The following KDM3B variants were observed in gnomAD, a reference collection of about 807,000 sequenced individuals.
KDM3B encodes the protein lysine-specific demethylase 3B.
A neutral mutation model predicts 170.0 loss-of-function variants in KDM3B; 10 were observed. That is an observed-to-expected ratio of 0.06 (90% CI 0.04 to 0.10). KDM3B has a LOEUF of 0.10. KDM3B is among the 10% of genes least tolerant of loss of function. The pLI is 1.00. For synonymous variants in KDM3B, 831 were observed against 834.8 expected, an observed-to-expected ratio of 1.00 and a Z score of 0.08; for missense variants, 1,394 against 2,195.2, an observed-to-expected ratio of 0.64 and a Z score of 7.29.
Position 138,357,939 on chromosome 5 carries a change from G to A in KDM3B, c.192+4952G>A, listed in dbSNP as rs564955862. Among the ~76,000 whole-genome samples, 10 of 151,710 alleles carry A rather than the reference G, an allele frequency of 6.6e-5. No individual in the cohort carries two copies. In the South Asian group the frequency reaches 8.3e-4, roughly 13 times the overall value. ...TGACCTCAGGTGATCCACCCACCTCGGCCTCCCAAAGTGCTGGGATTACAG... is the reference window on the plus strand; with the variant it reads ...TGACCTCAGGTGATCCACCCACCTCAGCCTCCCAAAGTGCTGGGATTACAG... On this transcript the variant is annotated intron_variant, in intron 1 of 23. Transcript: ENST00000314358.
chr5:138,396,363 G>A (rs1159983242), intron 9 of KDM3B, among the ~76,000 whole-genome samples: 2 of 152,142 alleles, frequency 1.3e-5, no homozygotes, highest in Non-Finnish European at 2.9e-5. Flanking sequence ...CCAAAGTGCT[G>A]GGATTACAGG....
intron 15 of KDM3B, among the ~76,000 whole-genome samples, chr5:138,421,820 G>A (rs1363891314): frequency 1.3e-5 from 2 of 152,142 alleles, no homozygotes; most frequent in Non-Finnish European, 2.9e-5. Flanking sequence ...TCCTTGTAGT[G>A]CTTACAGATG....
At chr5:138,398,138 G>C (rs774890380) in intron 9 of KDM3B, 40 bp from the exon 10 acceptor site, 2 of 1,500,108 alleles carry the variant, frequency 1.3e-6, no homozygotes, top group Middle Eastern at 3.6e-4. Flanking sequence ...GTTAGTTTGC[G>C]TTGCTCCTGC....
At chr5:138,368,282 G>A (rs1761793478) in intron 1 of KDM3B, among the ~76,000 whole-genome samples, 2 of 150,894 alleles carry the variant, frequency 1.3e-5, no homozygotes, top group Admixed American at 1.3e-4. Context: ...GCCCAGGCTG[G>A]AGTACAGGGG....
At chr5:138,416,656 C>A (rs1185374414) in intron 12 of KDM3B, among the ~76,000 whole-genome samples, 2 of 151,056 alleles carry the variant, frequency 1.3e-5, no homozygotes, top group Non-Finnish European at 2.9e-5. Flanking sequence ...TCCCCTGGAT[C>A]CCTTATACCC....
chr5:138,419,676 TATATATATATATAC>T (rs1763210865), intron 14 of KDM3B, among the ~76,000 whole-genome samples: 2 of 129,820 alleles, frequency 1.5e-5, no homozygotes, highest in African/African-American at 2.9e-5. Context: ...AAAATATATA[TATATATATATATAC>T]ATATATATAT....
At position 138,419,005 on chromosome 5, in the gene KDM3B, G is replaced by A. The variant is rs1254912258; in HGVS notation, c.3488G>A (p.Gly1163Asp). 12 of 1,614,042 alleles carry A rather than the reference G, an allele frequency of 7.4e-6. No homozygotes were observed. Among genetic ancestry groups the A allele is most frequent in the Non-Finnish European group, 1.0e-5 (12 of 1,179,978 alleles). The change falls in exon 14 of 24, where the codon GGT becomes GAT. Residue 1163 changes from glycine to aspartate, a missense_variant. By Grantham distance (94) the Gly-to-Asp change is moderately conservative. This residue lies in a region of KDM3B where 87 missense variants were observed against 83.3 expected (regional missense o/e 1.04). Transcript: ENST00000314358. ...TCTGGAAACGAAACTACCTTCTCTG[G>A]TGGAGGAGGACCGGCACCAGTAACA... ...ASSGNETTFS[G>D]GGGPAPVTTP...
chr5:138,403,505 G>A (rs529007076), intron 11 of KDM3B, among the ~76,000 whole-genome samples: 77 of 151,698 alleles, frequency 5.1e-4, no homozygotes, highest in African/African-American at 1.8e-3. Context: ...TTGAAACCCC[G>A]TCTGCATGAA....
intron 7 of KDM3B, among the ~76,000 whole-genome samples, chr5:138,389,759 CTCT>C (rs1762375913): frequency 7.2e-6 from 1 of 139,784 alleles, no homozygotes; most frequent in Non-Finnish European, 1.5e-5. Context: ...ACCTATGGGT[CTCT>C]TCTCTCTCTC....
Position 138,430,280 on chromosome 5 carries a change from C to G in KDM3B, c.4925C>G (p.Pro1642Arg), listed in dbSNP as rs757428495. The G allele has an allele frequency of 6.2e-7, 1 of 1,614,210 alleles. No homozygotes were observed. The highest frequency in any genetic ancestry group is 1.7e-5 in the Admixed American group (1 of 60,016). ...VGEEQGQENP[P>R]DHDPIHDQSW... ...GAAGAACAAGGCCAAGAGAACCCCC[C>G]TGATCATGACCCAATTCATGACCAA... The change falls in exon 22 of 24, where the codon CCT (proline) becomes CGT (arginine). Residue 1642 changes from proline (P) to arginine (R), a missense_variant. Pro to Arg is a moderately radical substitution (Grantham distance 103). Around this residue, in one of 19 missense-constraint regions of KDM3B, gnomAD observed 79 missense variants for 270.5 expected, o/e 0.29. Coordinates refer to ENST00000314358, the MANE Select transcript of KDM3B (RefSeq NM_016604.4).
In KDM3B at chr5:138,371,248, C is replaced by G. The variant is rs950877070; in HGVS notation, c.193-1426C>G. Among the ~76,000 whole-genome samples, 5 of 152,090 alleles carry G rather than the reference C, an allele frequency of 3.3e-5. No homozygotes were observed. In the East Asian group the frequency reaches 9.7e-4, roughly 29 times the overall value. On this transcript the variant is annotated intron_variant, in intron 1 of 23. Coordinates refer to ENST00000314358, the MANE Select transcript of KDM3B (RefSeq NM_016604.4). ...GCTGAGGCAGGAAGATTGCTTGGCTCCAGGAGTTTGAGACCAGCCTGGGCA... is the reference window on the plus strand; with the variant it reads ...GCTGAGGCAGGAAGATTGCTTGGCTGCAGGAGTTTGAGACCAGCCTGGGCA...
At chr5:138,399,172 G>A (rs1239251962) in intron 10 of KDM3B, among the ~76,000 whole-genome samples, 1 of 151,652 alleles carries the variant, frequency 6.6e-6, no homozygotes, top group African/African-American at 2.4e-5. Context: ...ACATGTGTGA[G>A]CCACCGCGCC....
At chr5:138,385,945 A>G in intron 6 of KDM3B, 77 bp from the exon 7 acceptor site, 4 of 1,490,614 alleles carry the variant, frequency 2.7e-6, no homozygotes, top group Admixed American at 2.2e-5. Context: ...GCTTCTAGAG[A>G]TGGGAAAGAG....
At chr5:138,355,022 A>G (rs1269220321) in intron 1 of KDM3B, among the ~76,000 whole-genome samples, 1 of 152,210 alleles carries the variant, frequency 6.6e-6, no homozygotes, top group Non-Finnish European at 1.5e-5. Flanking sequence ...TTTCTCATTA[A>G]GAGAGATTTC....
intron 13 of KDM3B, chr5:138,418,075 GTT>G: frequency 7.2e-5 from 7 of 96,804 alleles, no homozygotes; most frequent in Non-Finnish European, 1.2e-4. Flanking sequence ...TTTGGTTTTG[GTT>G]TTTTTTTTTT....
chr5:138,352,806 C>T lies in KDM3B; in HGVS notation c.11C>T (p.Ala4Val), dbSNP rs1376382886. The T allele has an allele frequency of 3.1e-6, 4 of 1,301,334 alleles. No individual in the cohort carries two copies. The highest frequency in any genetic ancestry group is 3.6e-5 in the Admixed American group (1 of 27,916). The allele number at this position is 1,301,334 out of a possible 1,614,324, so 80.6% of individuals were successfully genotyped here. A position where few individuals can be genotyped will look rare whatever the true frequency, so the allele number is the denominator to read the frequency against. ...AGGCCGGCCCCGGCGATGGCGGACG[C>T]GGCGGCCTCCCCGGTGGGCAAGCGG... The part of the protein sequence containing the change: MAD[A>V]AASPVGKRLL... The change falls in exon 1 of 24, where the codon GCG (alanine) becomes GTG (valine). Residue 4 changes from alanine to valine, a missense_variant. By Grantham distance (64) the Ala-to-Val change is moderately conservative (BLOSUM62 0). This residue lies in a region of KDM3B where 99 missense variants were observed against 97.5 expected (regional missense o/e 1.02). Transcript: ENST00000314358.
chr5:138,398,159 G>A lies in KDM3B; in HGVS notation c.2832-19G>A, dbSNP rs199629127. 187 of 1,589,066 alleles carry A rather than the reference G, an allele frequency of 1.2e-4. No individual in the cohort carries two copies. The highest frequency in any genetic ancestry group is 7.7e-6 in the Non-Finnish European group (9 of 1,161,718). ...TTGCGTTGCTCCTGCGATTTACCAT[G>A]TATTTGATCATGTCTCAGGTTGATC... is the stretch of plus-strand genomic sequence containing the variant. On this transcript the variant is annotated intron_variant, in intron 9 of 23. Transcript: ENST00000314358.
In KDM3B at chr5:138,417,589, C is replaced by T. The variant is rs778943253; in HGVS notation, c.3414C>T (p.Ala1138=). Residue 1138 remains alanine (A), a synonymous_variant, in exon 13 of 24, where the codon GCC becomes GCT. Coordinates refer to ENST00000314358, the MANE Select transcript of KDM3B (RefSeq NM_016604.4). ...SRQNKSVLRP[A]VTNGMSQLPS... ...AGAACAAATCTGTATTGAGACCTGC[C>T]GTCACCAATGGGATGTCACAGGTAA... The T allele has an allele frequency of 7.1e-5, 115 of 1,613,878 alleles. 1 individual carries two copies. In the Admixed American group the frequency reaches 7.3e-4, roughly 10 times the overall value.
At chr5:138,419,728 T>TACACACACACACACACACACACACACAC (rs144047213) in intron 14 of KDM3B, among the ~76,000 whole-genome samples, 2 of 122,184 alleles carry the variant, frequency 1.6e-5, no homozygotes, top group Admixed American at 8.9e-5. Flanking sequence ...TACACACACA[T>TACACACACACACACACACACACACACAC]ACACACACAC....
Sources: gnomAD v4.1 joint callset for allele counts (sites outside exome capture counted in the v4.1 genomes callset) on GRCh38, gnomAD v4.1.1 for gene constraint, gnomAD v4.1.1 regional missense constraint, MANE v1.5 for transcripts, NCBI Gene and HGNC (gene_info 2026-07-23, HGNC 2026-07-21) for gene names.